MMP24: variants seen among roughly 807,000 people sequenced by gnomAD.
The protein encoded by MMP24 is matrix metallopeptidase 24, also known as matrix metalloproteinase-24.
MMP24 carries 25 observed loss-of-function variants against 62.8 expected under a neutral mutation model. The observed-to-expected ratio is 0.40, with a 90% CI of 0.29 to 0.56. The LOEUF (loss-of-function observed/expected upper bound fraction) is 0.56. Among genes scored for constraint, MMP24 ranks in the 20% least tolerant of loss-of-function variants. MMP24 has a pLI of 0.50. For synonymous variants in MMP24, 319 were observed against 350.5 expected, an observed-to-expected ratio of 0.91 and a Z score of 1.00; for missense variants, 634 against 853.6, an observed-to-expected ratio of 0.74 and a Z score of 3.21.
At chr20:35,233,855 T>C (rs764277618) in intron 1 of MMP24, among the ~76,000 whole-genome samples, 27 of 152,068 alleles carry the variant, frequency 1.8e-4, no homozygotes, top group Non-Finnish European at 3.1e-4. Context: ...TGTGGTGGCA[T>C]GTGCCTGTAG....
chr20:35,271,162 C>A lies in MMP24; in HGVS notation c.1334-407C>A, dbSNP rs970600954. Among the ~76,000 whole-genome samples, 4 of 152,156 alleles carry A rather than the reference C, an allele frequency of 2.6e-5. No homozygotes were observed. Among genetic ancestry groups the A allele is most frequent in the Non-Finnish European group, 4.4e-5 (3 of 68,022 alleles). On this transcript the variant is annotated intron_variant, in intron 7 of 8. Coordinates refer to ENST00000246186, the MANE Select transcript of MMP24 (RefSeq NM_006690.4). This position sits in a 1 kb window ranked among gnomAD's most constrained non-coding sequence, Gnocchi z 4.0. ...ATGAGGAGGGAGCCCCTCTGTGGTG[C>A]AGATGAGGAGCTCTGGGGAGCCAGC...
At chr20:35,241,968 C>T (rs996742750) in intron 1 of MMP24, among the ~76,000 whole-genome samples, 1 of 152,146 alleles carries the variant, frequency 6.6e-6, no homozygotes, top group African/African-American at 2.4e-5. Flanking sequence ...AGTCCGTTGG[C>T]AGATAGGGAG....
At chr20:35,255,114 T>C (rs531727591) in intron 4 of MMP24, among the ~76,000 whole-genome samples, 12 of 152,220 alleles carry the variant, frequency 7.9e-5, no homozygotes, top group African/African-American at 2.6e-4. Flanking sequence ...GTGGATCACC[T>C]GAGGTCAGGA....
At chr20:35,252,042 C>A in intron 3 of MMP24, 21 bp downstream of exon 3, 1 of 1,572,846 alleles carries the variant, frequency 6.4e-7, no homozygotes, top group African/African-American at 1.3e-5. Flanking sequence ...TCTCCCTCTT[C>A]CTCCCTGCCT....
At chr20:35,242,690 G>A (rs1025669581) in intron 1 of MMP24, among the ~76,000 whole-genome samples, 1 of 152,166 alleles carries the variant, frequency 6.6e-6, no homozygotes, top group Non-Finnish European at 1.5e-5. Context: ...TTTAGCCGTC[G>A]TTTCTCCGTA....
intron 4 of MMP24, among the ~76,000 whole-genome samples, chr20:35,255,303 C>T (rs1426606416): frequency 6.6e-6 from 1 of 152,004 alleles, no homozygotes. Context: ...TGTACTCCAG[C>T]CCAGGCGACA....
intron 2 of MMP24, among the ~76,000 whole-genome samples, 159 bp from the exon 3 acceptor site, chr20:35,251,746 A>G (rs1461771173): frequency 6.6e-6 from 1 of 152,184 alleles, no homozygotes; most frequent in African/African-American, 2.4e-5. Flanking sequence ...GAATCAATCA[A>G]TCATGTTCTT....
At chr20:35,265,184 G>C (rs1600801106) in intron 5 of MMP24, among the ~76,000 whole-genome samples, 1 of 152,374 alleles carries the variant, frequency 6.6e-6, no homozygotes, top group East Asian at 1.9e-4. Flanking sequence ...CCAGTCTGCA[G>C]CTCAAAATTC....
rs1175966198 is a variant in MMP24 at position 35,251,993 on chromosome 20, A to C, written c.484A>C (p.Lys162Gln). ...RNKRYALTGQ[K>Q]WRQKHITYSI... ...CAAGCGCTATGCCCTGACTGGACAG[A>C]AGTGGAGGCAAAAACACATCACCTA... The change falls in exon 3 of 9, where the codon AAG becomes CAG. Residue 162 changes from lysine to glutamine, a missense_variant. Lys to Gln is a moderately conservative substitution (Grantham distance 53, BLOSUM62 1). Coordinates refer to ENST00000246186, the MANE Select transcript of MMP24 (RefSeq NM_006690.4). 1.2e-6 allele frequency: 2 copies of C among 1,613,958 alleles called. No homozygotes were observed. Among genetic ancestry groups the C allele is most frequent in the Non-Finnish European group, 1.7e-6 (2 of 1,179,834 alleles).
intron 1 of MMP24, among the ~76,000 whole-genome samples, chr20:35,237,903 G>A (rs1010172116): frequency 6.6e-6 from 1 of 152,160 alleles, no homozygotes; most frequent in Non-Finnish European, 1.5e-5. Flanking sequence ...TAGGGTCACA[G>A]CAGTCTCAGC....
intron 1 of MMP24, among the ~76,000 whole-genome samples, chr20:35,229,089 A>G (rs2060427124): frequency 6.6e-6 from 1 of 152,126 alleles, no homozygotes; most frequent in Non-Finnish European, 1.5e-5. Context: ...AACACCCTGT[A>G]TGTGGATTAT....
chr20:35,264,051 T>C, intron 5 of MMP24, 99 bp downstream of exon 5: 1 of 1,269,296 alleles, frequency 7.9e-7, no homozygotes, highest in Non-Finnish European at 1.1e-6. Flanking sequence ...GACGTTGCTA[T>C]CATCAGCACT....
At chr20:35,239,472 T>C (rs1315475709) in intron 1 of MMP24, among the ~76,000 whole-genome samples, 1 of 152,140 alleles carries the variant, frequency 6.6e-6, no homozygotes, top group Admixed American at 6.6e-5. Context: ...TAAATATTTA[T>C]TGAATGAAGG....
intron 2 of MMP24, among the ~76,000 whole-genome samples, chr20:35,251,116 C>CTTT (rs59317276): frequency 1.4e-5 from 2 of 138,812 alleles, no homozygotes; most frequent in South Asian, 4.6e-4. Context: ...TAAGCCACTT[C>CTTT]TTTTTTTTTT....
intron 1 of MMP24, among the ~76,000 whole-genome samples, chr20:35,246,596 C>T (rs547099839): frequency 3.3e-5 from 5 of 152,294 alleles, no homozygotes; most frequent in Admixed American, 3.3e-4. Flanking sequence ...CAAATTTAAT[C>T]TTTATTCTGT....
At chr20:35,253,324 G>A (rs1391746479) in intron 3 of MMP24, among the ~76,000 whole-genome samples, 1 of 141,446 alleles carries the variant, frequency 7.1e-6, no homozygotes, top group Non-Finnish European at 1.5e-5. Flanking sequence ...GAAAGTTAGG[G>A]TTGAACTAAG....
At chr20:35,231,722 C>G (rs1244152242) in intron 1 of MMP24, among the ~76,000 whole-genome samples, 1 of 152,084 alleles carries the variant, frequency 6.6e-6, no homozygotes. Flanking sequence ...TGTGAATTGC[C>G]TATCATCTTG....
intron 8 of MMP24, among the ~76,000 whole-genome samples, chr20:35,273,976 C>A (rs576138793): frequency 6.6e-6 from 1 of 152,292 alleles, no homozygotes; most frequent in African/African-American, 2.4e-5. Flanking sequence ...AGCTGTGACC[C>A]AGGCTTGCGT....
intron 5 of MMP24, among the ~76,000 whole-genome samples, chr20:35,265,212 C>T (rs115746738): frequency 0.02 from 3,059 of 152,098 alleles, 96 homozygotes; most frequent in African/African-American, 0.07. Context: ...GAGGCCGAGG[C>T]GGGCGATTAC....
Sources: allele counts gnomAD v4.1 joint callset (sites outside exome capture counted in the v4.1 genomes callset), GRCh38; gene constraint gnomAD v4.1.1; non-coding constraint Gnocchi (gnomAD v3.1); transcripts MANE v1.5; gene names NCBI Gene and HGNC (gene_info 2026-07-23, HGNC 2026-07-21).